FOXP2: variants seen among roughly 807,000 people sequenced by gnomAD.
FOXP2 encodes forkhead box P2, also known as forkhead box protein P2.
Under a neutral mutation model 115.8 loss-of-function variants are expected in FOXP2, and 12 were observed. The observed-to-expected ratio is 0.10, with a 90% CI of 0.07 to 0.17. The LOEUF (loss-of-function observed/expected upper bound fraction) is 0.17. Among genes scored for constraint, FOXP2 ranks in the 10% least tolerant of loss-of-function variants. The pLI is 1.00. For missense variants in FOXP2, 629 were observed against 843.5 expected (o/e 0.75, Z 3.15); for synonymous variants, 328 against 297.7 (o/e 1.10, Z -1.05).
intron 3 of FOXP2, among the ~76,000 whole-genome samples, chr7:114,546,400 A>G (rs759270383): frequency 6.6e-6 from 1 of 152,252 alleles, no homozygotes; most frequent in Non-Finnish European, 1.5e-5. Context: ...CACCTGATAC[A>G]TTACAACCAT....
At chr7:114,401,550 G>C (rs942112821) in intron 2 of FOXP2, among the ~76,000 whole-genome samples, 1 of 151,890 alleles carries the variant, frequency 6.6e-6, no homozygotes, top group African/African-American at 2.4e-5. Flanking sequence ...TATCAATCAC[G>C]TGTCAACAGT....
At chr7:114,277,030 A>G (rs560195319) in intron 1 of FOXP2, among the ~76,000 whole-genome samples, 1 of 152,246 alleles carries the variant, frequency 6.6e-6, no homozygotes, top group East Asian at 1.9e-4. Context: ...TTGCCTAAAG[A>G]GATCAACTAG....
chr7:114,497,437 C>G (rs1797369486), intron 2 of FOXP2, among the ~76,000 whole-genome samples: 1 of 152,106 alleles, frequency 6.6e-6, no homozygotes, highest in South Asian at 2.1e-4. Flanking sequence ...CACCTGAGGT[C>G]AGGACTTTGA....
intron 2 of FOXP2, among the ~76,000 whole-genome samples, chr7:114,402,597 C>A (rs903840828): frequency 6.6e-5 from 10 of 151,790 alleles, no homozygotes; most frequent in Admixed American, 5.3e-4. Context: ...TTAAATGGCA[C>A]CCCTGCAAAA....
At position 114,334,960 on chromosome 7, in the gene FOXP2, G is replaced by T. The variant is rs868681041; in HGVS notation, c.-11+46851G>T. ...ATATATATATATATATATATATATA[G>T]AAATCCAAGTATGACTTCATACTTG... On this transcript the variant is annotated intron_variant, in intron 2 of 17. Transcript: ENST00000634411. Among the ~76,000 whole-genome samples the T allele has an allele frequency of 6.8e-3, 671 of 99,040 alleles. 2 individuals carry two copies. The highest frequency in any genetic ancestry group is 0.038 in the East Asian group (78 of 2,070). 65.0% of individuals were successfully genotyped at this position (99,040 alleles called of 152,430 possible).
intron 1 of FOXP2, among the ~76,000 whole-genome samples, chr7:114,213,365 G>T (rs1047732393): frequency 2.0e-5 from 3 of 152,110 alleles, no homozygotes; most frequent in Non-Finnish European, 4.4e-5. Flanking sequence ...ACATTTTGGA[G>T]AATTTAAAAT....
intron 2 of FOXP2, among the ~76,000 whole-genome samples, chr7:114,492,450 C>T (rs1368284117): frequency 6.6e-6 from 1 of 152,088 alleles, no homozygotes; most frequent in East Asian, 1.9e-4. Context: ...TTGCCTTCTG[C>T]TAGTTTTTGA....
At chr7:114,466,869 T>G (rs559631572) in intron 2 of FOXP2, among the ~76,000 whole-genome samples, 1 of 152,330 alleles carries the variant, frequency 6.6e-6, no homozygotes, top group Non-Finnish European at 1.5e-5. Flanking sequence ...CAGCTCACTA[T>G]TTTCTAAATA....
At chr7:114,352,269 GAAAA>G (rs921759071) in intron 2 of FOXP2, among the ~76,000 whole-genome samples, 4 of 151,228 alleles carry the variant, frequency 2.6e-5, no homozygotes, top group Non-Finnish European at 5.9e-5. Context: ...CCTCTCTGAA[GAAAA>G]AAAAGAAAGA....
intron 1 of FOXP2, among the ~76,000 whole-genome samples, chr7:114,272,980 C>T (rs1401272344): frequency 2.0e-5 from 3 of 151,452 alleles, no homozygotes; most frequent in Non-Finnish European, 4.4e-5. Context: ...CTTTTGCTTA[C>T]TTTGGATGTA....
intron 1 of FOXP2, among the ~76,000 whole-genome samples, chr7:114,112,352 A>G (rs1414761361): frequency 1.3e-5 from 2 of 151,958 alleles, no homozygotes; most frequent in Non-Finnish European, 2.9e-5. Context: ...GCTAGAGTGC[A>G]GTGATGTGAT....
intron 3 of FOXP2, among the ~76,000 whole-genome samples, chr7:114,570,643 C>G (rs1801251569): frequency 6.6e-6 from 1 of 151,756 alleles, no homozygotes; most frequent in Non-Finnish European, 1.5e-5. Flanking sequence ...TTTTTAAAAT[C>G]TATACTGGTT....
In FOXP2 at chr7:114,693,697, T is replaced by G. The variant is rs577122231; in HGVS notation, c.*3771T>G. ...CTGCTGTTGGATGTAAAAATGTATA[T>G]GAAACCATTTCATTCACTTGATTAC... On this transcript the variant is annotated 3_prime_UTR_variant, in exon 17 of 17. Transcript: ENST00000350908. 18 of 353,276 alleles carry G rather than the reference T, an allele frequency of 5.1e-5. No individual in the cohort carries two copies. The highest frequency in any genetic ancestry group is 4.1e-4 in the South Asian group (18 of 44,440). The allele number at this position is 353,276 out of a possible 1,614,324, so 21.9% of individuals were successfully genotyped here.
chr7:114,510,631 A>T (rs1798023283), intron 2 of FOXP2, among the ~76,000 whole-genome samples: 1 of 152,224 alleles, frequency 6.6e-6, no homozygotes, highest in Non-Finnish European at 1.5e-5. Flanking sequence ...GGCACTTTAA[A>T]AAGTATGTCT....
chr7:114,675,616 G>A (rs990712012), intron 16 of FOXP2, among the ~76,000 whole-genome samples: 1 of 152,142 alleles, frequency 6.6e-6, no homozygotes, highest in African/African-American at 2.4e-5. Context: ...TGAATGCTTA[G>A]ATACAAAGAG....
At chr7:114,171,935 C>T (rs994809134) in intron 1 of FOXP2, among the ~76,000 whole-genome samples, 1 of 151,948 alleles carries the variant, frequency 6.6e-6, no homozygotes, top group Non-Finnish European at 1.5e-5. Flanking sequence ...GGGTTCAAGA[C>T]ATAAGTGGAG....
At chr7:114,140,956 T>G (rs552162306) in intron 1 of FOXP2, among the ~76,000 whole-genome samples, 1 of 152,336 alleles carries the variant, frequency 6.6e-6, no homozygotes, top group East Asian at 1.9e-4. Flanking sequence ...GTATTTGTGC[T>G]GAAGCTGGGA....
At chr7:114,135,814 A>AT (rs1792022529) in intron 1 of FOXP2, among the ~76,000 whole-genome samples, 1 of 152,164 alleles carries the variant, frequency 6.6e-6, no homozygotes, top group African/African-American at 2.4e-5. Context: ...TTGCTGTGCC[A>AT]TTCCCCATGT....
At chr7:114,463,064 T>C (rs1260506582) in intron 2 of FOXP2, 2 of 434,230 alleles carry the variant, frequency 4.6e-6, no homozygotes, top group Non-Finnish European at 9.2e-6. Flanking sequence ...GGTCTTGTTC[T>C]GTTTCCCAGG....
Sources: gnomAD v4.1 joint callset for allele counts (sites outside exome capture counted in the v4.1 genomes callset) on GRCh38, gnomAD v4.1.1 for gene constraint, MANE v1.5 for transcripts, NCBI Gene and HGNC (gene_info 2026-07-23, HGNC 2026-07-21) for gene names.